Variants in SLIT3 observed in about 807,000 individuals in gnomAD.
SLIT3 encodes the protein slit homolog 3 protein.
Under a neutral mutation model 184.0 loss-of-function variants are expected in SLIT3, and 68 were observed. The observed-to-expected ratio is 0.37, with a 90% CI of 0.30 to 0.45. The LOEUF is 0.45. Ranked by LOEUF, SLIT3 falls within the 20% of genes least tolerant of loss-of-function variation. The probability of loss-of-function intolerance (pLI) is 1.00; values close to 1 mark genes in which losing one functional copy is unlikely to be tolerated. For synonymous variants in SLIT3, 831 were observed against 828.6 expected (o/e 1.00, Z -0.05); for missense variants, 1,707 against 2,026.0 (o/e 0.84, Z 3.02).
At chr5:168,765,499 C>T (rs977364721) in intron 14 of SLIT3, among the ~76,000 whole-genome samples, 18 of 152,166 alleles carry the variant, frequency 1.2e-4, no homozygotes, top group Non-Finnish European at 2.4e-4. Flanking sequence ...GTTCGTTCCC[C>T]AGTCAGAGCC....
chr5:169,258,440 C>A (rs1193593832), intron 1 of SLIT3, among the ~76,000 whole-genome samples: 1 of 152,226 alleles, frequency 6.6e-6, no homozygotes, highest in Non-Finnish European at 1.5e-5. Flanking sequence ...CCAGTGAAGT[C>A]CTGGCCAAGG....
chr5:169,039,806 C>T (rs973183119), intron 4 of SLIT3, among the ~76,000 whole-genome samples: 3 of 152,140 alleles, frequency 2.0e-5, no homozygotes, highest in African/African-American at 7.2e-5. Context: ...CAGTACAATG[C>T]CTTATTAAAA....
At position 168,844,534 on chromosome 5, in the gene SLIT3, T is replaced by C. The variant is rs1354759163; in HGVS notation, c.557+50A>G. The C allele has an allele frequency of 2.6e-6, 4 of 1,534,920 alleles. No homozygotes were observed. In the African/African-American group the frequency reaches 4.1e-5, roughly 16 times the overall value. The stretch of plus-strand genomic sequence containing the variant: ...TCCTCCCCACACAGACACACACACA[T>C]ACACACACATGCACGCACACACAAG... On this transcript the variant is annotated intron_variant, in intron 6 of 35. Transcript: ENST00000519560.
At chr5:168,743,720 A>G (rs1459758201) in intron 20 of SLIT3, among the ~76,000 whole-genome samples, 1 of 152,250 alleles carries the variant, frequency 6.6e-6, no homozygotes, top group Non-Finnish European at 1.5e-5. Context: ...GGCCTCTTGG[A>G]CCAAATAGCC....
chr5:169,234,922 T>C (rs1225940769), intron 3 of SLIT3, among the ~76,000 whole-genome samples: 1 of 152,242 alleles, frequency 6.6e-6, no homozygotes, highest in South Asian at 2.1e-4. Context: ...AAATCCAATT[T>C]TCTTTCATTA....
At chr5:169,208,897 A>G (rs111228248) in intron 3 of SLIT3, among the ~76,000 whole-genome samples, 1 of 152,348 alleles carries the variant, frequency 6.6e-6, no homozygotes, top group Non-Finnish European at 1.5e-5. Flanking sequence ...AGGCATGGGC[A>G]AAGAGTTAAT....
intron 4 of SLIT3, among the ~76,000 whole-genome samples, chr5:169,181,283 T>C (rs922290646): frequency 2.6e-5 from 4 of 152,158 alleles, no homozygotes; most frequent in African/African-American, 9.7e-5. Flanking sequence ...AGAGAGGTTT[T>C]GTGTGTGTGT....
intron 4 of SLIT3, among the ~76,000 whole-genome samples, chr5:169,062,044 C>T (rs1382901108): frequency 2.6e-5 from 4 of 151,964 alleles, no homozygotes; most frequent in South Asian, 2.1e-4. Flanking sequence ...ATTAGACGGG[C>T]GTGGTGGTGG....
intron 4 of SLIT3, among the ~76,000 whole-genome samples, chr5:169,034,123 T>C (rs959277856): frequency 1.3e-5 from 2 of 152,136 alleles, no homozygotes; most frequent in Admixed American, 6.5e-5. Flanking sequence ...TTTGTATGAG[T>C]TCTTTATGAA....
intron 4 of SLIT3, among the ~76,000 whole-genome samples, chr5:168,998,434 G>A (rs1054963729): frequency 3.9e-5 from 6 of 152,270 alleles, no homozygotes; most frequent in South Asian, 2.1e-4. Context: ...GGCCAGGCGC[G>A]GTGGCTCAGG....
intron 4 of SLIT3, among the ~76,000 whole-genome samples, chr5:168,956,538 G>A (rs62377206): frequency 0.038 from 5,772 of 152,324 alleles, 149 homozygotes; most frequent in Middle Eastern, 0.058. Context: ...GCTCACATCT[G>A]TAATCCCAGC....
rs1351602687 is a variant in SLIT3, at chr5:169,300,552, C to T, written c.158G>A (p.Arg53His). 2.6e-6 allele frequency: 4 copies of T among 1,509,466 alleles called. No homozygotes were observed. In the African/African-American group the frequency reaches 4.3e-5, roughly 16 times the overall value. 93.5% of individuals were successfully genotyped at this position (1,509,466 alleles called of 1,614,324 possible). ...GCGGGGGATGCCCCGAGGAACCGCG[C>T]GGAGGCCCAGCCCGTGGCAGTCCAC... ...ASVDCHGLGL[R>H]AVPRGIPRNA... The change falls in exon 1 of 36, where the codon CGC becomes CAC. Residue 53 changes from arginine (R) to histidine (H), a missense_variant. Arg to His is a conservative substitution (Grantham distance 29). Around this residue, in one of 3 missense-constraint regions of SLIT3, gnomAD observed 1,307 missense variants for 1,511.6 expected, o/e 0.86. Coordinates refer to ENST00000519560, the MANE Select transcript of SLIT3 (RefSeq NM_003062.4). This position sits in a 1 kb window ranked among gnomAD's most constrained non-coding sequence, Gnocchi z 4.1.
intron 5 of SLIT3, among the ~76,000 whole-genome samples, chr5:168,879,873 T>G (rs780877353): frequency 6.6e-6 from 1 of 152,208 alleles, no homozygotes; most frequent in Non-Finnish European, 1.5e-5. Context: ...AAGACAGAGC[T>G]CACAGATTTA....
rs368118780 is a variant in SLIT3 at position 168,760,976 on chromosome 5, C to T, written c.1611-40G>A. The T allele has an allele frequency of 6.4e-4, 935 of 1,471,648 alleles. 1 individual carries two copies. The highest frequency in any genetic ancestry group is 8.0e-4 in the Non-Finnish European group (836 of 1,050,616). The allele number at this position is 1,471,648 out of a possible 1,614,324, so 91.2% of individuals were successfully genotyped here. ...AGATGAGTGGTAGGTTAGCTGTGGA[C>T]GAGGCCCCTCCTTCCACCCCCCATG... On this transcript the variant is annotated intron_variant, in intron 15 of 35. Transcript: ENST00000519560.
intron 4 of SLIT3, among the ~76,000 whole-genome samples, chr5:169,106,765 A>C (rs1342368139): frequency 6.6e-6 from 1 of 152,234 alleles, no homozygotes; most frequent in East Asian, 1.9e-4. Context: ...GGTCACATCA[A>C]AATGACCCTG....
At chr5:168,810,183 T>C (rs1757115477) in intron 8 of SLIT3, among the ~76,000 whole-genome samples, 2 of 152,138 alleles carry the variant, frequency 1.3e-5, no homozygotes, top group African/African-American at 4.8e-5. Context: ...ACCCAGCAAA[T>C]TATATGACTG....
At chr5:169,246,996 C>T (rs890259646) in intron 2 of SLIT3, among the ~76,000 whole-genome samples, 1 of 147,602 alleles carries the variant, frequency 6.8e-6, no homozygotes, top group Admixed American at 6.8e-5. Context: ...TTTGGGAGGC[C>T]CAGGCAGGCA....
At chr5:168,729,567 T>G (rs1763234640) in intron 20 of SLIT3, among the ~76,000 whole-genome samples, 1 of 151,348 alleles carries the variant, frequency 6.6e-6, no homozygotes, top group Non-Finnish European at 1.5e-5. Flanking sequence ...AAATTAAGGA[T>G]AAAGTCCTTC....
chr5:169,187,650 G>A (rs1763402206), intron 4 of SLIT3, among the ~76,000 whole-genome samples: 1 of 151,030 alleles, frequency 6.6e-6, no homozygotes, highest in South Asian at 2.1e-4. Flanking sequence ...CACCTCCTGG[G>A]ATCAGTGATT....
Sources: gnomAD v4.1 joint callset for allele counts (sites outside exome capture counted in the v4.1 genomes callset) on GRCh38, gnomAD v4.1.1 for gene constraint, gnomAD v4.1.1 regional missense constraint, Gnocchi (gnomAD v3.1) non-coding constraint, MANE v1.5 for transcripts, NCBI Gene and HGNC (gene_info 2026-07-23, HGNC 2026-07-21) for gene names.